PXK: variants seen among roughly 807,000 people sequenced by gnomAD.
PXK encodes the protein PX domain containing serine/threonine kinase like.
A neutral mutation model predicts 84.7 loss-of-function variants in PXK; 35 were observed. That is an observed-to-expected ratio of 0.41 (90% confidence interval 0.32 to 0.55). PXK has a LOEUF of 0.55. Ranked by LOEUF, PXK falls within the 20% of genes least tolerant of loss-of-function variation. The probability of loss-of-function intolerance (pLI) is 0.21; values close to 1 mark genes in which losing one functional copy is unlikely to be tolerated. For missense variants in PXK, 634 were observed against 699.7 expected, an observed-to-expected ratio of 0.91 and a Z score of 1.06; for synonymous variants, 253 against 260.8, an observed-to-expected ratio of 0.97 and a Z score of 0.29.
intron 8 of PXK, 22 bp from the exon 9 acceptor site, chr3:58,395,636 T>C: frequency 6.4e-7 from 1 of 1,560,838 alleles, no homozygotes; most frequent in Non-Finnish European, 8.8e-7. Flanking sequence ...CTTTCTTACG[T>C]GTTCTTTGTT....
intron 1 of PXK, among the ~76,000 whole-genome samples, chr3:58,361,295 C>CAAAAAAAAAAAAAAAAAAAAAA (rs149879171): frequency 1.5e-5 from 1 of 64,764 alleles, no homozygotes; most frequent in Non-Finnish European, 2.9e-5. Flanking sequence ...GACTCTGTCT[C>CAAAAAAAAAAAAAAAAAAAAAA]AAAAAAAAAA....
chr3:58,393,264 C>A (rs979212005), intron 7 of PXK, among the ~76,000 whole-genome samples: 1 of 151,922 alleles, frequency 6.6e-6, no homozygotes, highest in African/African-American at 2.4e-5. Context: ...AGGAGAATGG[C>A]GTGAACCCGG....
chr3:58,335,324 T>C (rs1318710779), intron 1 of PXK, among the ~76,000 whole-genome samples: 1 of 152,176 alleles, frequency 6.6e-6, no homozygotes, highest in Non-Finnish European at 1.5e-5. Context: ...TCTTGCGTAA[T>C]TTTTTGACTG....
In PXK at chr3:58,424,978, T is replaced by G. The variant is rs1252182550; in HGVS notation, c.*18T>G. The G allele has an allele frequency of 6.2e-7, 1 of 1,613,246 alleles. No individual in the cohort carries two copies. Among genetic ancestry groups the G allele is most frequent in the East Asian group, 2.2e-5 (1 of 44,870 alleles). On this transcript the variant is annotated 3_prime_UTR_variant, in exon 18 of 18. Transcript: ENST00000356151. ...TCGGCTGAAGCTTCCTGTTTACACT[T>G]GGAGGGAAAAGTTCTTTTTTATTCC... is the stretch of plus-strand genomic sequence containing the variant.
Position 58,421,625 on chromosome 3 carries a change from C to A in PXK, c.1529-3127C>A. On this transcript the variant is annotated intron_variant, in intron 17 of 17. Coordinates refer to ENST00000356151, the MANE Select transcript of PXK (RefSeq NM_017771.5). The surrounding 1 kb of genome is among the most constrained non-coding windows in gnomAD (Gnocchi z 5.5). ...GAGGGACCCTCAGACATCCTGTCCA[C>A]AAGGCTGTCAAGGGGGTTTCTGGCC... 1 of 988,240 alleles carries A rather than the reference C, an allele frequency of 1.0e-6. No individual in the cohort carries two copies. The highest frequency in any genetic ancestry group is 1.2e-6 in the Non-Finnish European group (1 of 830,328). The allele number at this position is 988,240 out of a possible 1,614,324, so 61.2% of individuals were successfully genotyped here.
chr3:58,336,089 T>G, intron 1 of PXK, among the ~76,000 whole-genome samples: 1 of 120,024 alleles, frequency 8.3e-6, no homozygotes, highest in Non-Finnish European at 1.7e-5. Context: ...TTTTTTTTTT[T>G]AATACCAATG....
Position 58,410,095 on chromosome 3 carries a change from A to G in PXK, c.1401A>G (p.Ser467=). The G allele has an allele frequency of 2.5e-6, 4 of 1,592,130 alleles. No individual in the cohort carries two copies. The highest frequency in any genetic ancestry group is 3.4e-6 in the Non-Finnish European group (4 of 1,160,118). ...CTTTTCTTTTATTCTTAAAGAAGTC[A>G]AAACGATCTGCTCTTGAAAATAGTG... The part of the protein sequence containing the change: ...KKRKILARKK[S]KRSALENSEE... The change falls in exon 16 of 18, where the codon TCA becomes TCG. Residue 467 remains serine (S), a synonymous_variant. Coordinates refer to ENST00000356151, the MANE Select transcript of PXK (RefSeq NM_017771.5).
rs559214955 is a variant in PXK at position 58,412,797 on chromosome 3, C to G, written c.1466-104C>G. 2 of 1,194,396 alleles carry G rather than the reference C, an allele frequency of 1.7e-6. No homozygotes were observed. The highest frequency in any genetic ancestry group is 2.3e-5 in the East Asian group (1 of 42,874). 74.0% of individuals were successfully genotyped at this position (1,194,396 alleles called of 1,614,324 possible). On this transcript the variant is annotated intron_variant, in intron 16 of 17. Coordinates refer to ENST00000356151, the MANE Select transcript of PXK (RefSeq NM_017771.5). This position sits in a 1 kb window ranked among gnomAD's most constrained non-coding sequence, Gnocchi z 6.2. ...CATCTTGTTTCACAAGGCTCACACA[C>G]TAAGCCAAATGTAGATTCTCAGACA...
In PXK at chr3:58,409,040, C is replaced by G. The variant is rs780199423; in HGVS notation, c.1308+39C>G. ...GGTTCCTCTTTGCCTTTTAGTGTCC[C>G]CATCCTCTGCCGTGGTTTTTATAGT... On this transcript the variant is annotated intron_variant, in intron 14 of 17. Transcript: ENST00000356151. This position sits in a 1 kb window ranked among gnomAD's most constrained non-coding sequence, Gnocchi z 4.2. The G allele has an allele frequency of 2.1e-6, 3 of 1,437,512 alleles. No individual in the cohort carries two copies. Among genetic ancestry groups the G allele is most frequent in the African/African-American group, 2.8e-5 (2 of 70,624 alleles). The allele number at this position is 1,437,512 out of a possible 1,614,324, so 89.0% of individuals were successfully genotyped here.
chr3:58,397,337 T>C lies in PXK; in HGVS notation c.984+137T>C. The stretch of plus-strand genomic sequence containing the variant: ...GCCTTGCCCGTCAGCCCTTGCAGCG[T>C]TGCTGTATCTCTGGGAGGCTGAGTT... On this transcript the variant is annotated intron_variant, in intron 10 of 17. Coordinates refer to ENST00000356151, the MANE Select transcript of PXK (RefSeq NM_017771.5). This position sits in a 1 kb window ranked among gnomAD's most constrained non-coding sequence, Gnocchi z 4.7. 1 of 1,092,494 alleles carries C rather than the reference T, an allele frequency of 9.2e-7. No homozygotes were observed. Among genetic ancestry groups the C allele is most frequent in the Non-Finnish European group, 1.3e-6 (1 of 750,700 alleles). 67.7% of individuals were successfully genotyped at this position (1,092,494 alleles called of 1,614,324 possible). A position where few individuals can be genotyped will look rare whatever the true frequency, so the allele number is the denominator to read the frequency against.
At position 58,416,379 on chromosome 3, in the gene PXK, A is replaced by C. The variant is rs1325455226; in HGVS notation, c.1528+3416A>C. ...CTTATTTCCATGCCTTGAGGTTTAC[A>C]GGTCCCTAAAAGTTGGGGGCGGTCC... On this transcript the variant is annotated intron_variant, in intron 17 of 17. Transcript: ENST00000356151. This position sits in a 1 kb window ranked among gnomAD's most constrained non-coding sequence, Gnocchi z 4.8. Among the ~76,000 whole-genome samples, 4 of 152,294 alleles carry C rather than the reference A, an allele frequency of 2.6e-5. No homozygotes were observed. In the East Asian group the frequency reaches 7.7e-4, roughly 29 times the overall value.
chr3:58,417,302 G>A (rs1161125237), intron 17 of PXK, among the ~76,000 whole-genome samples: 1 of 152,238 alleles, frequency 6.6e-6, no homozygotes, highest in Non-Finnish European at 1.5e-5. Flanking sequence ...AGCAATAGAT[G>A]AGCTTAGGTA....
chr3:58,395,125 A>G, intron 8 of PXK, 23 bp downstream of exon 8: 4 of 1,546,798 alleles, frequency 2.6e-6, no homozygotes, highest in Non-Finnish European at 3.6e-6. Context: ...GTTCATGGTC[A>G]TAAGGAATTC....
chr3:58,406,394 C>A (rs772997759), intron 13 of PXK, among the ~76,000 whole-genome samples: 1 of 151,754 alleles, frequency 6.6e-6, no homozygotes, highest in Non-Finnish European at 1.5e-5. Flanking sequence ...CCTCCTGCCT[C>A]AGCCTGTTGA....
intron 9 of PXK, among the ~76,000 whole-genome samples, chr3:58,396,650 T>C (rs2057725033): frequency 6.6e-6 from 1 of 152,228 alleles, no homozygotes; most frequent in Non-Finnish European, 1.5e-5. Context: ...TCTGAATTAC[T>C]GGCAGAAGCA....
rs774070437 is a variant in PXK, at chr3:58,403,928, G to C, written c.1230+18G>C. 7.5e-6 allele frequency: 11 copies of C among 1,463,782 alleles called. No individual in the cohort carries two copies. The South Asian group carries it at 1.7e-4, about 23-fold the overall frequency. 90.7% of individuals were successfully genotyped at this position (1,463,782 alleles called of 1,614,324 possible). On this transcript the variant is annotated intron_variant, in intron 13 of 17. Coordinates refer to ENST00000356151, the MANE Select transcript of PXK (RefSeq NM_017771.5). ...AGTTTAAGGTAAAGACAATTATATC[G>C]TTTTTTGGTTTGTGACATAACTAAG...
chr3:58,371,451 TACTA>T (rs1463988845), intron 3 of PXK, among the ~76,000 whole-genome samples: 5 of 152,252 alleles, frequency 3.3e-5, no homozygotes, highest in Admixed American at 6.5e-5. Flanking sequence ...ACAGTGGGCC[TACTA>T]ACTGTTTCTG....
At chr3:58,352,823 C>T (rs1559892077) in intron 1 of PXK, among the ~76,000 whole-genome samples, 1 of 152,112 alleles carries the variant, frequency 6.6e-6, no homozygotes, top group Non-Finnish European at 1.5e-5. Flanking sequence ...ACCAGCTCTC[C>T]TGGTAGGGCA....
intron 13 of PXK, 147 bp from the exon 14 acceptor site, chr3:58,408,777 C>T: frequency 1.6e-6 from 1 of 631,636 alleles, no homozygotes; most frequent in Non-Finnish European, 2.8e-6. Context: ...CCGCCTTGGC[C>T]TCTCAAAGTC....
Sources: allele counts gnomAD v4.1 joint callset (sites outside exome capture counted in the v4.1 genomes callset), GRCh38; gene constraint gnomAD v4.1.1; non-coding constraint Gnocchi (gnomAD v3.1); transcripts MANE v1.5; gene names NCBI Gene and HGNC (gene_info 2026-07-23, HGNC 2026-07-21).